Variants in BCAR3 observed in about 807,000 individuals in gnomAD.
BCAR3 encodes breast cancer anti-estrogen resistance protein 3.
BCAR3 carries 37 observed loss-of-function variants against 80.1 expected under a neutral mutation model. The observed-to-expected ratio is 0.46, with a 90% CI of 0.36 to 0.61. The LOEUF (loss-of-function observed/expected upper bound fraction) is 0.61, where lower values mean the gene tolerates loss of function less well. Among genes scored for constraint, BCAR3 ranks in the 20% least tolerant of loss-of-function variants. The pLI is 0.00. For missense variants in BCAR3, 978 were observed against 1,068.2 expected (o/e 0.92, Z 1.18); for synonymous variants, 389 against 418.9 (o/e 0.93, Z 0.87).
At chr1:93,759,842 C>T (rs370895820) in intron 2 of BCAR3, among the ~76,000 whole-genome samples, 6 of 152,164 alleles carry the variant, frequency 3.9e-5, no homozygotes, top group African/African-American at 1.4e-4. Context: ...CCTTTTAGGT[C>T]CCACTGTCTA....
chr1:93,659,853 A>G (rs1354347346), intron 2 of BCAR3, among the ~76,000 whole-genome samples: 3 of 152,000 alleles, frequency 2.0e-5, no homozygotes, highest in Non-Finnish European at 4.4e-5. Flanking sequence ...AACTCATACA[A>G]TCAGTGACAT....
intron 2 of BCAR3, among the ~76,000 whole-genome samples, chr1:93,800,141 G>A (rs192704259): frequency 5.9e-4 from 89 of 152,044 alleles, no homozygotes; most frequent in East Asian, 3.9e-4. Flanking sequence ...TTCTATTATC[G>A]CTTCCTGTTA....
chr1:93,827,409 C>G (rs1014626170), intron 2 of BCAR3, among the ~76,000 whole-genome samples: 1 of 152,052 alleles, frequency 6.6e-6, no homozygotes, highest in Non-Finnish European at 1.5e-5. Context: ...TGACATCTGC[C>G]AGAATGGGAC....
intron 2 of BCAR3, among the ~76,000 whole-genome samples, chr1:93,761,407 C>T (rs1402601211): frequency 6.6e-6 from 1 of 152,200 alleles, no homozygotes; most frequent in South Asian, 2.1e-4. Context: ...CCCTTCCCCA[C>T]TGAGATTAAT....
At chr1:93,587,851 G>C (rs1046596266) in intron 5 of BCAR3, among the ~76,000 whole-genome samples, 1 of 152,004 alleles carries the variant, frequency 6.6e-6, no homozygotes, top group African/African-American at 2.4e-5. Flanking sequence ...TCCTTTCCCA[G>C]TGCTTTTAGA....
intron 3 of BCAR3, among the ~76,000 whole-genome samples, chr1:93,601,653 T>C (rs888344462): frequency 2.6e-5 from 4 of 152,238 alleles, no homozygotes; most frequent in African/African-American, 9.6e-5. Flanking sequence ...GGACACTTAG[T>C]TGTTGAGAAA....
At chr1:93,725,992 A>C (rs1650567933) in intron 2 of BCAR3, among the ~76,000 whole-genome samples, 1 of 152,026 alleles carries the variant, frequency 6.6e-6, no homozygotes, top group African/African-American at 2.4e-5. Context: ...TCACCACTTT[A>C]TAATAAGTCA....
At chr1:93,624,027 A>G (rs1187054146) in intron 3 of BCAR3, among the ~76,000 whole-genome samples, 1 of 152,206 alleles carries the variant, frequency 6.6e-6, no homozygotes. Flanking sequence ...AAGGATAACA[A>G]TACACGAATT....
At chr1:93,666,138 C>T (rs925520726) in intron 2 of BCAR3, among the ~76,000 whole-genome samples, 4 of 152,174 alleles carry the variant, frequency 2.6e-5, no homozygotes, top group Admixed American at 1.3e-4. Flanking sequence ...TCGTGCCATT[C>T]CCTTGCTTAA....
chr1:93,620,099 C>T (rs1006491866), intron 3 of BCAR3, among the ~76,000 whole-genome samples: 7 of 152,120 alleles, frequency 4.6e-5, no homozygotes, highest in Non-Finnish European at 8.8e-5. Context: ...CCACTGTACT[C>T]GCAGGGCACA....
chr1:93,620,154 G>T (rs1463195994), intron 3 of BCAR3, among the ~76,000 whole-genome samples: 1 of 152,168 alleles, frequency 6.6e-6, no homozygotes, highest in African/African-American at 2.4e-5. Flanking sequence ...CTGTAGCCAC[G>T]AGAAGAGAGT....
chr1:93,838,795 G>C (rs1571163108), intron 2 of BCAR3, among the ~76,000 whole-genome samples: 1 of 152,134 alleles, frequency 6.6e-6, no homozygotes, highest in Non-Finnish European at 1.5e-5. Flanking sequence ...TTTGCTACTG[G>C]TTGTGACTAT....
chr1:93,771,967 A>C (rs1230468359), intron 2 of BCAR3, among the ~76,000 whole-genome samples: 3 of 152,208 alleles, frequency 2.0e-5, no homozygotes, highest in African/African-American at 7.2e-5. Context: ...AGAGCAAATC[A>C]TATCCCACTT....
intron 2 of BCAR3, among the ~76,000 whole-genome samples, chr1:93,833,803 C>T (rs563349186): frequency 6.6e-6 from 1 of 152,194 alleles, no homozygotes; most frequent in East Asian, 1.9e-4. Context: ...ACAATTTGTG[C>T]AGATAACACA....
chr1:93,830,741 C>T (rs112964164), intron 2 of BCAR3, among the ~76,000 whole-genome samples: 3,236 of 152,280 alleles, frequency 0.021, 116 homozygotes, highest in African/African-American at 0.075. Flanking sequence ...CACGGACGTG[C>T]GTCACATTTG....
Position 93,631,564 on chromosome 1 carries a change from C to T in BCAR3, c.357+10740G>A, listed in dbSNP as rs149164315. On this transcript the variant is annotated intron_variant, in intron 3 of 11. Transcript: ENST00000260502. ...GGAGATGAGGTTAGAGGTGGACAGG[C>T]CACACCAGATTCGAAGTCCAATATG... Among the ~76,000 whole-genome samples the T allele has an allele frequency of 4.6e-5, 7 of 152,234 alleles. No individual in the cohort carries two copies. In the East Asian group the frequency reaches 1.4e-3, roughly 29 times the overall value.
At chr1:93,729,311 G>A (rs907792786) in intron 2 of BCAR3, among the ~76,000 whole-genome samples, 1 of 151,942 alleles carries the variant, frequency 6.6e-6, no homozygotes, top group Non-Finnish European at 1.5e-5. Flanking sequence ...GCCTAGAGTT[G>A]GGGAAAATCA....
At chr1:93,611,317 G>A (rs541813364) in intron 3 of BCAR3, among the ~76,000 whole-genome samples, 24 of 152,260 alleles carry the variant, frequency 1.6e-4, no homozygotes, top group Admixed American at 5.2e-4. Flanking sequence ...CTAACAGAGG[G>A]CTTATGCATG....
chr1:93,611,824 G>A (rs1251458775), intron 3 of BCAR3, among the ~76,000 whole-genome samples: 2 of 152,070 alleles, frequency 1.3e-5, no homozygotes, highest in Non-Finnish European at 2.9e-5. Context: ...TAATACCATC[G>A]TACTTTCTCC....
Sources: allele counts gnomAD v4.1 joint callset (sites outside exome capture counted in the v4.1 genomes callset), GRCh38; gene constraint gnomAD v4.1.1; transcripts MANE v1.5; gene names NCBI Gene and HGNC (gene_info 2026-07-23, HGNC 2026-07-21).